Variants in DAB1 observed in about 807,000 individuals in gnomAD.
DAB1 encodes the protein DAB adaptor protein 1, also known as disabled homolog 1.
Under a neutral mutation model 64.6 loss-of-function variants are expected in DAB1, and 15 were observed. That is an observed-to-expected ratio of 0.23 (90% CI 0.16 to 0.36). DAB1 has a LOEUF of 0.36. Among genes scored for constraint, DAB1 ranks in the 10% least tolerant of loss-of-function variants. DAB1 has a pLI of 1.00. For missense variants in DAB1, 596 were observed against 706.7 expected (o/e 0.84, Z 1.78); for synonymous variants, 235 against 251.9 (o/e 0.93, Z 0.64).
intron 2 of DAB1, among the ~76,000 whole-genome samples, chr1:57,160,776 T>C (rs1393281581): frequency 6.6e-6 from 1 of 152,148 alleles, no homozygotes; most frequent in Non-Finnish European, 1.5e-5. Context: ...CTCACTACAA[T>C]TGAGGAAATA....
intron 6 of DAB1, among the ~76,000 whole-genome samples, chr1:57,762,425 C>T (rs982735799): frequency 8.6e-5 from 13 of 151,954 alleles, no homozygotes; most frequent in East Asian, 1.9e-4. Context: ...TTACATGGGG[C>T]GGAAAAATGT....
chr1:58,300,664 GGAAGGA>G (rs1557726410), intron 4 of DAB1, among the ~76,000 whole-genome samples: 14 of 125,858 alleles, frequency 1.1e-4, no homozygotes, highest in African/African-American at 4.2e-4. Flanking sequence ...AAGGAAGGAA[GGAAGGA>G]AGGAAGGAAG....
intron 7 of DAB1, among the ~76,000 whole-genome samples, chr1:57,452,019 G>A (rs1686389281): frequency 6.6e-6 from 1 of 152,054 alleles, no homozygotes; most frequent in African/African-American, 2.4e-5. Context: ...ACCTCAGGAA[G>A]TTTGAAAGAC....
At chr1:57,317,672 C>T (rs1382248469) in intron 1 of DAB1, among the ~76,000 whole-genome samples, 1 of 152,174 alleles carries the variant, frequency 6.6e-6, no homozygotes, top group Non-Finnish European at 1.5e-5. Flanking sequence ...ATCCACCTCA[C>T]ATGGGAGCTT....
intron 6 of DAB1, among the ~76,000 whole-genome samples, chr1:57,776,965 T>G (rs965772454): frequency 2.6e-5 from 4 of 151,816 alleles, no homozygotes; most frequent in African/African-American, 7.2e-5. Context: ...TCTGAAAAAT[T>G]TCATTTAATG....
At chr1:58,167,815 G>A (rs1655944298) in intron 4 of DAB1, among the ~76,000 whole-genome samples, 1 of 152,156 alleles carries the variant, frequency 6.6e-6, no homozygotes, top group South Asian at 2.1e-4. Flanking sequence ...CTTCACTCCT[G>A]AAGTCAACAA....
chr1:57,335,198 CA>C (rs750529583), intron 1 of DAB1, among the ~76,000 whole-genome samples: 18 of 148,908 alleles, frequency 1.2e-4, no homozygotes, highest in Non-Finnish European at 1.8e-4. Flanking sequence ...GAGATCTGGA[CA>C]TTTTTTTTTT....
At chr1:57,653,111 T>TA (rs1232936464) in intron 6 of DAB1, among the ~76,000 whole-genome samples, 4 of 152,248 alleles carry the variant, frequency 2.6e-5, no homozygotes, top group Non-Finnish European at 5.9e-5. Context: ...TATGTACTGA[T>TA]ACCAGCTTGG....
At chr1:57,619,351 A>T (rs1645828461) in intron 7 of DAB1, among the ~76,000 whole-genome samples, 1 of 152,182 alleles carries the variant, frequency 6.6e-6, no homozygotes, top group Non-Finnish European at 1.5e-5. Context: ...TAGGAGCATG[A>T]TTTGCCTTAT....
chr1:58,068,164 G>A (rs1648978723), intron 5 of DAB1, among the ~76,000 whole-genome samples: 1 of 152,144 alleles, frequency 6.6e-6, no homozygotes, highest in South Asian at 2.1e-4. Flanking sequence ...CAGATGAGAT[G>A]CCAGACAAAA....
At chr1:58,090,307 G>A (rs1487233657) in intron 5 of DAB1, among the ~76,000 whole-genome samples, 1 of 152,196 alleles carries the variant, frequency 6.6e-6, no homozygotes, top group African/African-American at 2.4e-5. Flanking sequence ...AGTCTTGGGG[G>A]AGGCAGTGGC....
intron 1 of DAB1, among the ~76,000 whole-genome samples, chr1:57,309,200 T>C (rs1362744382): frequency 1.3e-5 from 2 of 152,206 alleles, no homozygotes; most frequent in Non-Finnish European, 2.9e-5. Context: ...AGAATGATCT[T>C]AGAAAGATCG....
intron 1 of DAB1, among the ~76,000 whole-genome samples, chr1:57,375,990 C>G (rs10047071): frequency 3.3e-5 from 5 of 151,906 alleles, no homozygotes; most frequent in African/African-American, 1.2e-4. Context: ...ACACAGACAA[C>G]TGTCATATTT....
At chr1:57,527,909 A>G (rs1292285522) in intron 7 of DAB1, among the ~76,000 whole-genome samples, 1 of 152,168 alleles carries the variant, frequency 6.6e-6, no homozygotes, top group South Asian at 2.1e-4. Context: ...TTCTTGTCCC[A>G]GAATTTTGCT....
At chr1:57,698,165 T>A (rs1399007063) in intron 6 of DAB1, among the ~76,000 whole-genome samples, 2 of 151,918 alleles carry the variant, frequency 1.3e-5, no homozygotes, top group African/African-American at 4.8e-5. Context: ...TGGCTCACTG[T>A]AGCCTCAAAT....
At chr1:58,224,699 T>C (rs1473967070) in intron 4 of DAB1, among the ~76,000 whole-genome samples, 1 of 152,144 alleles carries the variant, frequency 6.6e-6, no homozygotes, top group East Asian at 1.9e-4. Context: ...ATTTAGTAGA[T>C]TTTTTAAAAC....
At chr1:57,182,744 C>T (rs1326943956) in intron 2 of DAB1, among the ~76,000 whole-genome samples, 1 of 151,996 alleles carries the variant, frequency 6.6e-6, no homozygotes, top group Non-Finnish European at 1.5e-5. Flanking sequence ...CTTATAGGAC[C>T]AGTTGAAATT....
chr1:57,552,301 G>A (rs1289030981), intron 7 of DAB1, among the ~76,000 whole-genome samples: 1 of 152,168 alleles, frequency 6.6e-6, no homozygotes, highest in African/African-American at 2.4e-5. Flanking sequence ...GCACCCACTT[G>A]GTGCTAGGCA....
At chr1:57,952,303 G>A (rs1645296671) in intron 5 of DAB1, among the ~76,000 whole-genome samples, 1 of 152,140 alleles carries the variant, frequency 6.6e-6, no homozygotes, top group African/African-American at 2.4e-5. Context: ...TAAAGACAAT[G>A]GGGGATGATG....
Sources: allele counts gnomAD v4.1 joint callset (sites outside exome capture counted in the v4.1 genomes callset), GRCh38; gene constraint gnomAD v4.1.1; transcripts MANE v1.5; gene names NCBI Gene and HGNC (gene_info 2026-07-23, HGNC 2026-07-21).